Variants in RPH3A observed in about 807,000 individuals in gnomAD.
RPH3A encodes the protein rabphilin 3A.
RPH3A carries 48 observed loss-of-function variants against 102.2 expected under a neutral mutation model. The observed-to-expected ratio is 0.47, with a 90% CI of 0.37 to 0.60. The LOEUF is 0.60. Among genes scored for constraint, RPH3A ranks in the 20% least tolerant of loss-of-function variants. RPH3A has a pLI of 0.00. For missense variants in RPH3A, 781 were observed against 910.1 expected (o/e 0.86, Z 1.83); for synonymous variants, 310 against 324.3 (o/e 0.96, Z 0.47).
chr12:112,866,685 G>A, intron 6 of RPH3A, 72 bp from the exon 7 acceptor site: 2 of 1,254,096 alleles, frequency 1.6e-6, no homozygotes, highest in Non-Finnish European at 2.3e-6. Flanking sequence ...CCAAGAGAAA[G>A]TGGGGGGCTA....
chr12:112,837,395 A>G (rs115568978), intron 4 of RPH3A, among the ~76,000 whole-genome samples: 2,699 of 152,238 alleles, frequency 0.018, 89 homozygotes, highest in African/African-American at 0.061. Flanking sequence ...CCTTACCCTT[A>G]TGTTTATATA....
intron 2 of RPH3A, among the ~76,000 whole-genome samples, chr12:112,804,812 T>C (rs1040269020): frequency 1.3e-5 from 2 of 152,242 alleles, no homozygotes; most frequent in South Asian, 2.1e-4. Context: ...CCTCTTAGGA[T>C]GCTATCATTG....
At chr12:112,837,857 C>A (rs1565910705) in intron 4 of RPH3A, 1 of 452,362 alleles carries the variant, frequency 2.2e-6, no homozygotes, top group Non-Finnish European at 4.4e-6. Context: ...CCAGGCTCCT[C>A]CCCTCCTTCC....
chr12:112,695,504 T>C (rs1248515370), intron 1 of RPH3A, among the ~76,000 whole-genome samples: 1 of 152,176 alleles, frequency 6.6e-6, no homozygotes, highest in Admixed American at 6.5e-5. Flanking sequence ...CACTGGGAAA[T>C]CGATTTTGAG....
At chr12:112,827,202 C>T (rs537371456) in intron 2 of RPH3A, among the ~76,000 whole-genome samples, 3 of 152,290 alleles carry the variant, frequency 2.0e-5, no homozygotes, top group East Asian at 1.9e-4. Context: ...TACAAAGAAA[C>T]GCTGCACCCC....
At chr12:112,788,634 A>G (rs1214931368), upstream of RPH3A, among the ~76,000 whole-genome samples, 2 of 152,254 alleles carry the variant, frequency 1.3e-5, no homozygotes, top group Non-Finnish European at 2.9e-5. Context: ...AATGCGTGAC[A>G]CATGGCAAGT....
chr12:112,664,668 C>G (rs1241443339), intron 1 of RPH3A, among the ~76,000 whole-genome samples: 1 of 152,012 alleles, frequency 6.6e-6, no homozygotes, highest in Non-Finnish European at 1.5e-5. Flanking sequence ...TGGAGGGCAA[C>G]TTCAAGTTTT....
intron 4 of RPH3A, chr12:112,842,086 G>A (rs1039043894): frequency 5.5e-5 from 25 of 453,750 alleles, no homozygotes; most frequent in African/African-American, 4.6e-4. Context: ...CATTCCATTG[G>A]GTTCTTCCCA....
chr12:112,701,705 A>G (rs115527044), intron 1 of RPH3A, among the ~76,000 whole-genome samples: 2,044 of 152,318 alleles, frequency 0.013, 53 homozygotes, highest in African/African-American at 0.047. Flanking sequence ...CCAAGCACTG[A>G]CTGGTCTGTG....
intron 1 of RPH3A, among the ~76,000 whole-genome samples, chr12:112,711,391 G>GAGAAGAAAAAAAAA (rs1190103806): frequency 2.7e-5 from 4 of 150,818 alleles, no homozygotes; most frequent in Non-Finnish European, 4.4e-5. Flanking sequence ...TTAAAGCCTT[G>GAGAAGAAAAAAAAA]AGAAGAAAAA....
chr12:112,866,334 T>C (rs1365023828), intron 6 of RPH3A, among the ~76,000 whole-genome samples: 1 of 152,206 alleles, frequency 6.6e-6, no homozygotes, highest in Non-Finnish European at 1.5e-5. Context: ...CACACAGCCA[T>C]GGCATTTTCT....
intron 1 of RPH3A, among the ~76,000 whole-genome samples, chr12:112,701,321 G>A (rs527401141): frequency 9.9e-5 from 15 of 152,284 alleles, no homozygotes; most frequent in African/African-American, 3.4e-4. Context: ...GTACAATGCG[G>A]GAAGTTGAAA....
At chr12:112,728,370 T>C (rs1355578156) in intron 1 of RPH3A, among the ~76,000 whole-genome samples, 1 of 152,204 alleles carries the variant, frequency 6.6e-6, no homozygotes, top group African/African-American at 2.4e-5. Flanking sequence ...GCTTCTATTT[T>C]TTTTTCCAAT....
At chr12:112,656,295 G>A (rs890073085) in intron 1 of RPH3A, among the ~76,000 whole-genome samples, 3 of 152,158 alleles carry the variant, frequency 2.0e-5, no homozygotes, top group Admixed American at 2.0e-4. Flanking sequence ...CTCAACCTTG[G>A]CAAATCCTTT....
At chr12:112,888,637 G>A (rs2043042943) in intron 17 of RPH3A, among the ~76,000 whole-genome samples, 1 of 152,210 alleles carries the variant, frequency 6.6e-6, no homozygotes, top group Non-Finnish European at 1.5e-5. Context: ...ATCTTTTAAG[G>A]ATTGAATGTG....
intron 1 of RPH3A, among the ~76,000 whole-genome samples, chr12:112,662,684 C>T (rs2136004056): frequency 1.3e-5 from 2 of 151,948 alleles, no homozygotes. Flanking sequence ...GAGTTCAGTA[C>T]CAAAGCATTG....
In RPH3A at chr12:112,868,421, C is replaced by T; in HGVS notation, c.445-9C>T. 1 of 1,610,952 alleles carries T rather than the reference C, an allele frequency of 6.2e-7. No homozygotes were observed. Among genetic ancestry groups the T allele is most frequent in the Non-Finnish European group, 8.5e-7 (1 of 1,177,688 alleles). ...GCCACATCTTCAATCCCTGTCTCTC[C>T]TCCCCAAGGTGTGGAAGCGTTCTGG... On this transcript the variant is annotated splice_polypyrimidine_tract_variant and intron_variant, in intron 7 of 21. Coordinates refer to ENST00000389385, the MANE Select transcript of RPH3A (RefSeq NM_001143854.2).
intron 1 of RPH3A, among the ~76,000 whole-genome samples, chr12:112,590,849 C>G (rs967677727): frequency 6.6e-6 from 1 of 152,188 alleles, no homozygotes; most frequent in Non-Finnish European, 1.5e-5. Flanking sequence ...ACTCTGTTGC[C>G]CAGGCTGGAC....
At chr12:112,708,727 C>T (rs2040441316) in intron 1 of RPH3A, among the ~76,000 whole-genome samples, 1 of 152,080 alleles carries the variant, frequency 6.6e-6, no homozygotes, top group South Asian at 2.1e-4. Flanking sequence ...ATCTCCATGA[C>T]CTCAGAGAAT....
Sources: gnomAD v4.1 joint callset for allele counts (sites outside exome capture counted in the v4.1 genomes callset) on GRCh38, gnomAD v4.1.1 for gene constraint, MANE v1.5 for transcripts, NCBI Gene and HGNC (gene_info 2026-07-23, HGNC 2026-07-21) for gene names.